The following POPDC1 variants were observed in gnomAD, a reference collection of about 807,000 sequenced individuals.
The protein encoded by POPDC1 is popeye domain cAMP effector 1.
chr6:105,125,160 C>A, the POPDC1 span, among the ~76,000 whole-genome samples: 1 of 152,184 alleles, frequency 6.6e-6, no homozygotes, highest in African/African-American at 2.4e-5. Flanking sequence ...GGTTAAAATA[C>A]TTGCAATTGA....
chr6:105,098,031 G>C, the POPDC1 span: 7 of 152,122 alleles, frequency 4.6e-5, no homozygotes, highest in Non-Finnish European at 1.0e-4. Context: ...ATACAACTGA[G>C]TTGATGTTAC....
chr6:105,098,684 T>C, the POPDC1 span: 6 of 152,208 alleles, frequency 3.9e-5, no homozygotes, highest in South Asian at 2.1e-4. Flanking sequence ...CTCGGCACTA[T>C]GACATCACAG....
chr6:105,125,989 C>T, the POPDC1 span, among the ~76,000 whole-genome samples: 22 of 152,070 alleles, frequency 1.4e-4, no homozygotes, highest in African/African-American at 2.9e-4. Flanking sequence ...TTTGGAAGGC[C>T]GAGGCGGGTG....
chr6:105,121,841 C>A, the POPDC1 span, among the ~76,000 whole-genome samples: 3 of 152,158 alleles, frequency 2.0e-5, no homozygotes, highest in Non-Finnish European at 2.9e-5. Context: ...TTCATGAGCA[C>A]CCTGACCACA....
the POPDC1 span, among the ~76,000 whole-genome samples, chr6:105,128,558 G>A: frequency 2.6e-5 from 4 of 152,054 alleles, no homozygotes; most frequent in Non-Finnish European, 5.9e-5. Flanking sequence ...GCATAACCTG[G>A]AAAAAACTGA....
At chr6:105,129,894 T>C in the POPDC1 span, among the ~76,000 whole-genome samples, 1 of 152,196 alleles carries the variant, frequency 6.6e-6, no homozygotes, top group Non-Finnish European at 1.5e-5. Flanking sequence ...TGGACTGTTG[T>C]TGACCACAGA....
the POPDC1 span, among the ~76,000 whole-genome samples, chr6:105,124,056 A>G: frequency 6.6e-6 from 1 of 152,192 alleles, no homozygotes; most frequent in Non-Finnish European, 1.5e-5. Flanking sequence ...AAATTAGAAT[A>G]TATCTTTCTA....
At chr6:105,102,339 C>A in the POPDC1 span, among the ~76,000 whole-genome samples, 3,920 of 152,314 alleles carry the variant, frequency 0.026, 166 homozygotes, top group African/African-American at 0.089. Context: ...TGGCAGGAGT[C>A]AGGAGCAGAC....
At chr6:105,125,003 C>T in the POPDC1 span, among the ~76,000 whole-genome samples, 2 of 152,096 alleles carry the variant, frequency 1.3e-5, no homozygotes, top group Admixed American at 1.3e-4. Context: ...CTGACTCTCT[C>T]CCCAAAAGGC....
At chr6:105,101,294 A>C in the POPDC1 span, 6 of 1,385,996 alleles carry the variant, frequency 4.3e-6, no homozygotes, top group African/African-American at 8.8e-5. Context: ...TATAAATTCC[A>C]ACTGGAAAAT....
At chr6:105,128,460 G>C in the POPDC1 span, among the ~76,000 whole-genome samples, 1 of 152,166 alleles carries the variant, frequency 6.6e-6, no homozygotes, top group Admixed American at 6.5e-5. Context: ...TAGAATCACA[G>C]CTGACACATA....
the POPDC1 span, among the ~76,000 whole-genome samples, chr6:105,102,741 T>C: frequency 6.6e-6 from 1 of 152,176 alleles, no homozygotes; most frequent in Non-Finnish European, 1.5e-5. Flanking sequence ...CTATAGAACA[T>C]GTGACTAAAT....
the POPDC1 span, among the ~76,000 whole-genome samples, chr6:105,105,644 C>G: frequency 6.6e-6 from 1 of 152,072 alleles, no homozygotes; most frequent in African/African-American, 2.4e-5. Context: ...GTAGTAAGAA[C>G]AAGAAAAAGA....
chr6:105,114,480 A>G, the POPDC1 span, among the ~76,000 whole-genome samples: 1 of 23,030 alleles, frequency 4.3e-5, no homozygotes, highest in Non-Finnish European at 1.6e-4. Flanking sequence ...ATCTAAAGGC[A>G]TACAAAGTTA....
chr6:105,104,956 T>C, the POPDC1 span, among the ~76,000 whole-genome samples: 1 of 152,162 alleles, frequency 6.6e-6, no homozygotes, highest in Non-Finnish European at 1.5e-5. Flanking sequence ...ATCTGTACTA[T>C]TATTTCTACT....
the POPDC1 span, among the ~76,000 whole-genome samples, chr6:105,124,007 T>C: frequency 6.6e-6 from 1 of 151,960 alleles, no homozygotes; most frequent in Non-Finnish European, 1.5e-5. Flanking sequence ...CAAAAAAAAA[T>C]TCAAAAAGCA....
At chr6:105,121,790 C>T in the POPDC1 span, among the ~76,000 whole-genome samples, 1 of 152,182 alleles carries the variant, frequency 6.6e-6, no homozygotes, top group African/African-American at 2.4e-5. Context: ...GTCATTGAGT[C>T]CACTTGCCTT....
At chr6:105,135,294 A>G in the POPDC1 span, among the ~76,000 whole-genome samples, 2 of 152,086 alleles carry the variant, frequency 1.3e-5, no homozygotes, top group African/African-American at 4.8e-5. Context: ...GTCTCCCCAG[A>G]TCTCAGTAAT....
At chr6:105,108,621 C>T in the POPDC1 span, among the ~76,000 whole-genome samples, 1 of 152,100 alleles carries the variant, frequency 6.6e-6, no homozygotes, top group Non-Finnish European at 1.5e-5. Flanking sequence ...AAAAGAGAGT[C>T]AAGGCATAAA....
Sources: allele counts gnomAD v4.1 joint callset (sites outside exome capture counted in the v4.1 genomes callset), GRCh38; gene constraint gnomAD v4.1.1; transcripts MANE v1.5; gene names NCBI Gene and HGNC (gene_info 2026-07-23, HGNC 2026-07-21).